Variants in TMEM117 observed in about 807,000 individuals in gnomAD.
The protein encoded by TMEM117 is transmembrane protein 117.
TMEM117 carries 27 observed loss-of-function variants against 52.4 expected under a neutral mutation model. The ratio of observed to expected loss-of-function variants is 0.51; its 90% CI spans 0.38 to 0.71. TMEM117 has a LOEUF of 0.71. Ranked by LOEUF, TMEM117 falls within the 30% of genes least tolerant of loss-of-function variation. The probability of loss-of-function intolerance (pLI) is 0.00; values close to 1 mark genes in which losing one functional copy is unlikely to be tolerated. For missense variants in TMEM117, 556 were observed against 630.5 expected (o/e 0.88, Z 1.26); for synonymous variants, 215 against 206.3 (o/e 1.04, Z -0.36).
chr12:43,833,163 G>A (rs1425401165), upstream of TMEM117, among the ~76,000 whole-genome samples: 2 of 152,198 alleles, frequency 1.3e-5, no homozygotes, highest in Admixed American at 1.3e-4. Context: ...TAAATAGTAA[G>A]CATTGGTAGA....
chr12:43,912,503 TAA>T (rs1438721019), intron 2 of TMEM117, among the ~76,000 whole-genome samples: 2 of 97,114 alleles, frequency 2.1e-5, no homozygotes. Context: ...ATAATAATAA[TAA>T]TTTATATATA....
intron 6 of TMEM117, among the ~76,000 whole-genome samples, chr12:44,339,669 T>C (rs1281654737): frequency 2.6e-5 from 4 of 151,980 alleles, no homozygotes; most frequent in Admixed American, 6.6e-5. Flanking sequence ...TCAAAAAAGA[T>C]ACAATAGCTG....
In TMEM117 at chr12:43,905,504, T is replaced by C. The variant is rs1006680211; in HGVS notation, c.278-38706T>C. ...ACTGTTAGTCAATTAACTTAGACTT[T>C]ATTTATTTTTAAATATTTATTTATT... On this transcript the variant is annotated intron_variant, in intron 2 of 7. Coordinates refer to ENST00000266534, the MANE Select transcript of TMEM117 (RefSeq NM_032256.3). Among the ~76,000 whole-genome samples, 6 of 152,218 alleles carry C rather than the reference T, an allele frequency of 3.9e-5. 1 individual carries two copies. The highest frequency in any genetic ancestry group is 1.4e-4 in the African/African-American group (6 of 41,458).
At chr12:43,890,768 G>T (rs1002778075) in intron 2 of TMEM117, among the ~76,000 whole-genome samples, 1 of 152,154 alleles carries the variant, frequency 6.6e-6, no homozygotes, top group South Asian at 2.1e-4. Flanking sequence ...CTGACCTCGT[G>T]ATCCACCAGC....
At chr12:43,799,203 A>G in the TMEM117 span, among the ~76,000 whole-genome samples, 5 of 152,264 alleles carry the variant, frequency 3.3e-5, no homozygotes, top group Admixed American at 6.5e-5. Context: ...TAAAATGCAT[A>G]TAAAGTTTAA....
intron 2 of TMEM117, among the ~76,000 whole-genome samples, chr12:43,914,171 T>A (rs1189089656): frequency 6.6e-6 from 1 of 152,106 alleles, no homozygotes; most frequent in Non-Finnish European, 1.5e-5. Context: ...TCGGGGGACA[T>A]GCAGCAGCTT....
intron 5 of TMEM117, among the ~76,000 whole-genome samples, chr12:44,227,551 T>TAA (rs1949878894): frequency 6.6e-6 from 1 of 152,180 alleles, no homozygotes; most frequent in Admixed American, 6.6e-5. Flanking sequence ...GTTTTGGGGT[T>TAA]GGCTAGACAG....
chr12:43,867,095 GAAA>G (rs938455068), intron 2 of TMEM117, among the ~76,000 whole-genome samples: 4 of 139,882 alleles, frequency 2.9e-5, no homozygotes, highest in African/African-American at 8.5e-5. Context: ...CATCTCAAGA[GAAA>G]AAAAAAAAAG....
chr12:44,100,263 G>C (rs1284123914), intron 3 of TMEM117, among the ~76,000 whole-genome samples: 1 of 151,882 alleles, frequency 6.6e-6, no homozygotes, highest in Non-Finnish European at 1.5e-5. Flanking sequence ...CTAATATGTG[G>C]GATAAGGTTG....
chr12:43,995,412 T>A (rs888808935), intron 3 of TMEM117, among the ~76,000 whole-genome samples: 2 of 152,242 alleles, frequency 1.3e-5, no homozygotes, highest in Non-Finnish European at 2.9e-5. Flanking sequence ...TGATTTTAGA[T>A]GCCTTAGTGT....
chr12:43,797,695 A>G, the TMEM117 span: 1 of 1,610,564 alleles, frequency 6.2e-7, no homozygotes. Context: ...AATAATCATT[A>G]TACATCTCTT....
At chr12:44,011,510 G>A (rs554714629) in intron 3 of TMEM117, among the ~76,000 whole-genome samples, 2 of 152,068 alleles carry the variant, frequency 1.3e-5, no homozygotes, top group African/African-American at 2.4e-5. Context: ...CATGTAAGAC[G>A]TGACTTGCTT....
At chr12:44,271,202 C>T (rs1366409781) in intron 5 of TMEM117, among the ~76,000 whole-genome samples, 1 of 151,898 alleles carries the variant, frequency 6.6e-6, no homozygotes, top group East Asian at 1.9e-4. Context: ...GTATTTACCT[C>T]ATAGGATGTG....
intron 4 of TMEM117, among the ~76,000 whole-genome samples, chr12:44,210,025 C>G (rs17094242): frequency 0.11 from 16,160 of 152,038 alleles, 945 homozygotes; most frequent in Middle Eastern, 0.2. Context: ...GGCCACTGTT[C>G]AAAGCTATAC....
At chr12:44,192,330 C>A (rs1194702977) in intron 4 of TMEM117, among the ~76,000 whole-genome samples, 1 of 152,112 alleles carries the variant, frequency 6.6e-6, no homozygotes, top group Non-Finnish European at 1.5e-5. Context: ...TGGATGCTTA[C>A]TGTTTTTGGT....
intron 3 of TMEM117, among the ~76,000 whole-genome samples, chr12:44,101,085 G>A (rs1219607762): frequency 2.0e-5 from 3 of 151,896 alleles, no homozygotes; most frequent in African/African-American, 7.3e-5. Flanking sequence ...GGAAAAGGCA[G>A]CTCTCTGGGG....
intron 2 of TMEM117, among the ~76,000 whole-genome samples, chr12:43,900,637 G>A (rs1485942406): frequency 2.0e-5 from 3 of 151,150 alleles, no homozygotes; most frequent in Non-Finnish European, 4.4e-5. Context: ...AGAATCGCTT[G>A]AACCAAGGAG....
chr12:44,075,870 G>A (rs529982253), intron 3 of TMEM117, among the ~76,000 whole-genome samples: 171 of 152,218 alleles, frequency 1.1e-3, no homozygotes, highest in African/African-American at 4.0e-3. Flanking sequence ...AAGATGGTGG[G>A]GAGGGTCTCT....
chr12:44,313,718 A>G (rs1951019484), intron 6 of TMEM117, among the ~76,000 whole-genome samples: 1 of 152,190 alleles, frequency 6.6e-6, no homozygotes. Context: ...TTTTAATGAC[A>G]TTAATTCTTT....
Sources: allele counts gnomAD v4.1 joint callset (sites outside exome capture counted in the v4.1 genomes callset), GRCh38; gene constraint gnomAD v4.1.1; transcripts MANE v1.5; gene names NCBI Gene and HGNC (gene_info 2026-07-23, HGNC 2026-07-21).